PDE4B: variants seen among roughly 807,000 people sequenced by gnomAD.
PDE4B encodes the protein 3',5'-cyclic-AMP phosphodiesterase 4B.
In PDE4B, 20 loss-of-function variants were observed where a neutral mutation model predicts 82.2. The ratio of observed to expected loss-of-function variants is 0.24; its 90% CI spans 0.17 to 0.35. PDE4B has a LOEUF of 0.35. PDE4B is among the 10% of genes least tolerant of loss of function. PDE4B has a pLI of 1.00. For missense variants in PDE4B, 655 were observed against 907.2 expected, an observed-to-expected ratio of 0.72 and a Z score of 3.57; for synonymous variants, 320 against 318.9, an observed-to-expected ratio of 1.00 and a Z score of -0.04.
chr1:66,087,432 C>G (rs975803579), intron 3 of PDE4B, among the ~76,000 whole-genome samples: 3 of 151,866 alleles, frequency 2.0e-5, no homozygotes, highest in African/African-American at 7.2e-5. Flanking sequence ...AATTTTCTCC[C>G]ATTTTGTAGA....
chr1:66,247,474 A>G lies in PDE4B; in HGVS notation c.296A>G (p.Asn99Ser), dbSNP rs922986405. 4 of 1,575,242 alleles carry G rather than the reference A, an allele frequency of 2.5e-6. No individual in the cohort carries two copies. Among genetic ancestry groups the G allele is most frequent in the African/African-American group, 2.7e-5 (2 of 73,004 alleles). Residue 99 changes from asparagine to serine, a missense_variant, in exon 4 of 17, where the codon AAT becomes AGT. Around this residue, in one of 3 missense-constraint regions of PDE4B, gnomAD observed 253 missense variants for 275.6 expected, o/e 0.92. Coordinates refer to ENST00000341517, the MANE Select transcript of PDE4B (RefSeq NM_002600.4). ...TVSQECFDVE[N>S]GPSPGRSPLD... ...TTCTCTTTAAGCTTTGATGTGGAAA[A>G]TGGCCCTTCCCCAGGTCGGAGTCCA...
chr1:66,332,303 C>T, intron 7 of PDE4B: 8 of 1,544,744 alleles, frequency 5.2e-6, no homozygotes, highest in Non-Finnish European at 6.1e-6. Context: ...TGGGGGGAAA[C>T]TTGGCACCAG....
At chr1:66,071,976 G>A (rs1394491725) in intron 3 of PDE4B, among the ~76,000 whole-genome samples, 1 of 151,980 alleles carries the variant, frequency 6.6e-6, no homozygotes, top group Non-Finnish European at 1.5e-5. Flanking sequence ...AGGCCATGTC[G>A]CCTGTTTGTC....
At chr1:66,259,152 G>T (rs12407687) in intron 6 of PDE4B, among the ~76,000 whole-genome samples, 1,794 of 151,994 alleles carry the variant, frequency 0.012, 15 homozygotes, top group Admixed American at 0.034. Flanking sequence ...ATTTATTTAT[G>T]TATTTACTTA....
chr1:66,334,820 A>G (rs183458414), intron 8 of PDE4B, among the ~76,000 whole-genome samples: 2 of 152,342 alleles, frequency 1.3e-5, no homozygotes, highest in Admixed American at 1.3e-4. Context: ...ATATAAGGCA[A>G]TGAGGCCAGG....
At chr1:66,182,955 C>T (rs1192409820) in intron 3 of PDE4B, among the ~76,000 whole-genome samples, 1 of 152,234 alleles carries the variant, frequency 6.6e-6, no homozygotes, top group African/African-American at 2.4e-5. Context: ...GTAAGCCCTT[C>T]TGAAATCAGA....
intron 3 of PDE4B, among the ~76,000 whole-genome samples, chr1:66,138,498 A>G (rs566453894): frequency 6.6e-6 from 1 of 152,260 alleles, no homozygotes; most frequent in African/African-American, 2.4e-5. Flanking sequence ...CAGCCTGGGC[A>G]ACCAAGCAAG....
chr1:66,204,197 G>T (rs1236150969), intron 3 of PDE4B, among the ~76,000 whole-genome samples: 5 of 152,186 alleles, frequency 3.3e-5, no homozygotes, highest in African/African-American at 1.2e-4. Flanking sequence ...TGCCTGATGG[G>T]TCCTCTGGAA....
intron 3 of PDE4B, among the ~76,000 whole-genome samples, chr1:66,044,358 T>C (rs1459430886): frequency 6.6e-6 from 1 of 151,768 alleles, no homozygotes; most frequent in Admixed American, 6.6e-5. Context: ...ATGCCTAAAA[T>C]TGATTACTTC....
chr1:65,866,332 T>G (rs1646509775), intron 1 of PDE4B, among the ~76,000 whole-genome samples: 1 of 152,154 alleles, frequency 6.6e-6, no homozygotes, highest in Non-Finnish European at 1.5e-5. Flanking sequence ...TTAATATGCA[T>G]CCATATAACA....
In PDE4B at chr1:66,339,018, C is replaced by CAAA. The variant is rs60064823; in HGVS notation, c.747+6415_747+6417dup. On this transcript the variant is annotated intron_variant, in intron 8 of 16. Transcript: ENST00000341517. Reference sequence around the variant, plus strand: ...TGGGCGACAGAGCGAGACTCCGTCTCAAAAAAAAAAAAAAAAAAAGAGATA... The same window carrying CAAA: ...TGGGCGACAGAGCGAGACTCCGTCTCAAAAAAAAAAAAAAAAAAAAAAGAGATA... Among the ~76,000 whole-genome samples, 171 of 79,728 alleles carry CAAA rather than the reference C, an allele frequency of 2.1e-3. 2 individuals are homozygous for CAAA. The highest frequency in any genetic ancestry group is 5.5e-3 in the African/African-American group (148 of 26,794). 52.3% of individuals were successfully genotyped at this position (79,728 alleles called of 152,430 possible). A position where few individuals can be genotyped will look rare whatever the true frequency, so the allele number is the denominator to read the frequency against.
chr1:65,955,784 G>A (rs375777742), intron 3 of PDE4B, among the ~76,000 whole-genome samples: 2 of 152,048 alleles, frequency 1.3e-5, no homozygotes, highest in Non-Finnish European at 2.9e-5. Context: ...TCATTTATAG[G>A]GTTACGTGCT....
At chr1:66,151,232 T>C (rs916674035) in intron 3 of PDE4B, among the ~76,000 whole-genome samples, 1 of 152,126 alleles carries the variant, frequency 6.6e-6, no homozygotes, top group African/African-American at 2.4e-5. Flanking sequence ...TAAAATGTAA[T>C]AGAACTTTTT....
chr1:66,012,180 A>G (rs1384832401), intron 3 of PDE4B, among the ~76,000 whole-genome samples: 3 of 152,102 alleles, frequency 2.0e-5, no homozygotes, highest in Admixed American at 1.3e-4. Context: ...GTGAAAGACA[A>G]TCTTTTAAGG....
intron 3 of PDE4B, among the ~76,000 whole-genome samples, chr1:66,068,450 A>G (rs1655983591): frequency 6.6e-6 from 1 of 151,972 alleles, no homozygotes; most frequent in Admixed American, 6.6e-5. Flanking sequence ...AAAAATCAAA[A>G]TGCAGTGAAC....
At chr1:66,241,614 T>G (rs1269324977) in intron 3 of PDE4B, among the ~76,000 whole-genome samples, 2 of 152,146 alleles carry the variant, frequency 1.3e-5, no homozygotes, top group African/African-American at 2.4e-5. Flanking sequence ...CAAGTGATTC[T>G]CCTGCCTCAG....
At chr1:66,067,844 C>T (rs901555558) in intron 3 of PDE4B, among the ~76,000 whole-genome samples, 1 of 149,272 alleles carries the variant, frequency 6.7e-6, no homozygotes, top group Non-Finnish European at 1.5e-5. Context: ...ACATTTAAGT[C>T]TTTAATCCAT....
chr1:66,317,534 T>G (rs1659110423), intron 7 of PDE4B, among the ~76,000 whole-genome samples: 1 of 152,182 alleles, frequency 6.6e-6, no homozygotes, highest in Admixed American at 6.5e-5. Context: ...GGATGAATGG[T>G]CAGTCCCACT....
At chr1:65,800,464 T>C (rs1380358101) in intron 1 of PDE4B, among the ~76,000 whole-genome samples, 1 of 152,220 alleles carries the variant, frequency 6.6e-6, no homozygotes, top group East Asian at 1.9e-4. Flanking sequence ...CTTTAGTAAC[T>C]GAATAAGTGA....
Sources: allele counts gnomAD v4.1 joint callset (sites outside exome capture counted in the v4.1 genomes callset), GRCh38; gene constraint gnomAD v4.1.1; regional missense constraint gnomAD v4.1.1; transcripts MANE v1.5; gene names NCBI Gene and HGNC (gene_info 2026-07-23, HGNC 2026-07-21).